PCDHA3: variants seen among roughly 807,000 people sequenced by gnomAD.
PCDHA3 encodes protocadherin alpha 3, also known as protocadherin alpha-3.
A neutral mutation model predicts 62.2 loss-of-function variants in PCDHA3; 41 were observed. The ratio of observed to expected loss-of-function variants is 0.66; its 90% CI spans 0.51 to 0.86. The LOEUF (loss-of-function observed/expected upper bound fraction) is 0.86. Among genes scored for constraint, PCDHA3 ranks in the 40% least tolerant of loss-of-function variants. The pLI, the probability that PCDHA3 is intolerant of heterozygous loss-of-function variation, is 0.00. For missense variants in PCDHA3, 1,304 were observed against 1,241.2 expected (o/e 1.05, Z -0.76); for synonymous variants, 640 against 555.4 (o/e 1.15, Z -2.14).
intron 1 of PCDHA3, chr5:140,843,591 G>A (rs2150363188): frequency 6.3e-7 from 1 of 1,596,134 alleles, no homozygotes; most frequent in Admixed American, 1.7e-5. Flanking sequence ...CAGCCGCAGA[G>A]GGTGTGCTCT....
chr5:140,961,438 A>G (rs888082906), intron 1 of PCDHA3, among the ~76,000 whole-genome samples: 2 of 152,194 alleles, frequency 1.3e-5, no homozygotes, highest in South Asian at 4.1e-4. Context: ...AAAATCACCT[A>G]ACTACACTGT....
Position 140,978,960 on chromosome 5 carries a change from C to G in PCDHA3, c.2406C>G (p.Pro802=), listed in dbSNP as rs560855761. The G allele has an allele frequency of 2.6e-5, 42 of 1,614,120 alleles. No homozygotes were observed. The highest frequency in any genetic ancestry group is 2.5e-4 in the African/African-American group (19 of 75,024). The change falls in exon 2 of 4, where the codon CCC becomes CCG. Residue 802 remains proline, a synonymous_variant. Coordinates refer to ENST00000522353, the MANE Select transcript of PCDHA3 (RefSeq NM_018906.3). ...TTGTGATTTTGCAGCCACGACAGCC[C>G]AACCCTGACTGGCGTTACTCTGCCT... ...DVDLSAKPRQ[P]NPDWRYSASL...
chr5:141,000,391 C>CTATA (rs2097912428), intron 3 of PCDHA3, among the ~76,000 whole-genome samples: 2 of 56,664 alleles, frequency 3.5e-5, no homozygotes, highest in Non-Finnish European at 6.1e-5. Context: ...CTCTCTCTCT[C>CTATA]TCTCTATATA....
intron 1 of PCDHA3, among the ~76,000 whole-genome samples, chr5:140,965,292 C>T (rs1305794672): frequency 6.6e-6 from 1 of 152,152 alleles, no homozygotes; most frequent in Non-Finnish European, 1.5e-5. Flanking sequence ...GAAAGATTTC[C>T]TCTGATCCTT....
chr5:140,901,539 A>C (rs192107124), intron 1 of PCDHA3, among the ~76,000 whole-genome samples: 1 of 151,952 alleles, frequency 6.6e-6, no homozygotes, highest in African/African-American at 2.4e-5. Context: ...TTGGTTCTCT[A>C]TTCTGTTCCA....
At chr5:140,970,758 A>T (rs1217450283) in intron 1 of PCDHA3, among the ~76,000 whole-genome samples, 2 of 152,232 alleles carry the variant, frequency 1.3e-5, no homozygotes, top group East Asian at 3.8e-4. Flanking sequence ...ATTTTCATTG[A>T]CATATTGCTG....
rs2150202220 is a variant in PCDHA3, at chr5:140,844,684, A to G, written c.2394+41093A>G. 1.3e-5 allele frequency among the ~76,000 whole-genome samples: 2 copies of G among 149,834 alleles called. 1 individual carries two copies. Among genetic ancestry groups the G allele is most frequent in the East Asian group, 3.9e-4 (2 of 5,172 alleles). On this transcript the variant is annotated intron_variant, in intron 1 of 3. Coordinates refer to ENST00000522353, the MANE Select transcript of PCDHA3 (RefSeq NM_018906.3). ...AACATATAATTTATAAATCCTTATT[A>G]TACAGAATATTTGGGATTATCATGG...
rs782239316 is a variant in PCDHA3 at position 140,877,376 on chromosome 5, G to T, written c.2394+73785G>T. 6.2e-6 allele frequency: 10 copies of T among 1,613,896 alleles called. No individual in the cohort carries two copies. The South Asian group carries it at 6.6e-5, about 11-fold the overall frequency. On this transcript the variant is annotated intron_variant, in intron 1 of 3. Transcript: ENST00000522353. The stretch of plus-strand genomic sequence containing the variant: ...TACACTGGCGAGATCAGCACGACAC[G>T]CATCCTGGATGAGGCGGACGCTCCG...
chr5:140,929,539 G>A (rs155821), intron 1 of PCDHA3: 194,060 of 591,620 alleles, frequency 0.33, 32,601 homozygotes, highest in East Asian at 0.49. Flanking sequence ...TGAGAAACAA[G>A]GGCAAAAATT....
chr5:141,006,357 G>A (rs1296731156), intron 3 of PCDHA3, among the ~76,000 whole-genome samples: 1 of 151,914 alleles, frequency 6.6e-6, no homozygotes, highest in Middle Eastern at 3.4e-3. Context: ...GACTATAGGC[G>A]CCCACCACCA....
At chr5:140,809,734 A>AAT (rs1191296729) in intron 1 of PCDHA3, 21 of 734,044 alleles carry the variant, frequency 2.9e-5, no homozygotes, top group Non-Finnish European at 4.3e-5. Flanking sequence ...ACATCAGAGC[A>AAT]ATATATATTG....
At chr5:140,972,096 A>G (rs2096519185) in intron 1 of PCDHA3, among the ~76,000 whole-genome samples, 1 of 152,168 alleles carries the variant, frequency 6.6e-6, no homozygotes. Context: ...AATTTCTGGC[A>G]TAGAAGCAGG....
chr5:140,930,822 G>A (rs1338942917), intron 1 of PCDHA3, among the ~76,000 whole-genome samples: 2 of 152,140 alleles, frequency 1.3e-5, no homozygotes, highest in Non-Finnish European at 2.9e-5. Context: ...CTTAGTAAAT[G>A]CTGACTGAAT....
chr5:140,814,184 T>C (rs1765454808), intron 1 of PCDHA3: 1 of 152,684 alleles, frequency 6.5e-6, no homozygotes, highest in Admixed American at 6.5e-5. Context: ...TTTTGACTTT[T>C]AATTTTTTTA....
intron 1 of PCDHA3, chr5:140,856,650 G>A (rs2044132398): frequency 1.3e-6 from 2 of 1,598,026 alleles, no homozygotes; most frequent in African/African-American, 2.7e-5. Flanking sequence ...CTGCTGGATC[G>A]TGAAGAAAAT....
Position 140,836,318 on chromosome 5 carries a change from C to G in PCDHA3, c.2394+32727C>G, listed in dbSNP as rs1774367282. The G allele has an allele frequency of 1.9e-6, 3 of 1,613,634 alleles. No individual in the cohort carries two copies. Among genetic ancestry groups the G allele is most frequent in the Non-Finnish European group, 2.5e-6 (3 of 1,179,838 alleles). On this transcript the variant is annotated intron_variant, in intron 1 of 3. Coordinates refer to ENST00000522353, the MANE Select transcript of PCDHA3 (RefSeq NM_018906.3). ...TAGATGAGACGGACGCACCGCGCCA[C>G]CGCCTTCTGGTGCTTGTGAAGGACC... is the stretch of plus-strand genomic sequence containing the variant.
intron 1 of PCDHA3, chr5:140,930,420 A>G (rs996872425): frequency 1.3e-5 from 2 of 151,962 alleles, no homozygotes; most frequent in Non-Finnish European, 2.9e-5. Context: ...CAGGGGTCTC[A>G]CTATGTTGCC....
At chr5:140,848,597 C>A (rs151001396) in intron 1 of PCDHA3, 1 of 1,580,556 alleles carries the variant, frequency 6.3e-7, no homozygotes, top group Non-Finnish European at 8.7e-7. Context: ...TCCACTACTC[C>A]GTCCCGGAGG....
At chr5:140,809,111 G>A in intron 1 of PCDHA3, 1 of 1,613,938 alleles carries the variant, frequency 6.2e-7, no homozygotes, top group African/African-American at 1.3e-5. Context: ...CGAAACGGAC[G>A]CTCCGCGCCA....
Sources: gnomAD v4.1 joint callset for allele counts (sites outside exome capture counted in the v4.1 genomes callset) on GRCh38, gnomAD v4.1.1 for gene constraint, MANE v1.5 for transcripts, NCBI Gene and HGNC (gene_info 2026-07-23, HGNC 2026-07-21) for gene names.